The following EYS variants were observed in gnomAD, a reference collection of about 807,000 sequenced individuals.
EYS encodes protein eyes shut homolog.
In EYS, 250 loss-of-function variants were observed where a neutral mutation model predicts 282.1. That is an observed-to-expected ratio of 0.89 (90% CI 0.80 to 0.98). The LOEUF (loss-of-function observed/expected upper bound fraction) is 0.98. EYS is among the 50% of genes least tolerant of loss of function. The pLI, the probability that EYS is intolerant of heterozygous loss-of-function variation, is 0.00. For synonymous variants in EYS, 1,355 were observed against 1,282.9 expected, an observed-to-expected ratio of 1.06 and a Z score of -1.20; for missense variants, 4,016 against 3,709.0, an observed-to-expected ratio of 1.08 and a Z score of -2.15.
rs141103856 is a variant in EYS at position 64,371,626 on chromosome 6, C to T, written c.6078+17064G>A. Among the ~76,000 whole-genome samples, 287 of 152,184 alleles carry T rather than the reference C, an allele frequency of 1.9e-3. 1 individual carries two copies. The highest frequency in any genetic ancestry group is 6.6e-3 in the African/African-American group (274 of 41,512). ...GTCAATGGGGTGTTCAAGTCTTCCA[C>T]TATTATTCTGTGGTCATCTAAGTCT... On this transcript the variant is annotated intron_variant, in intron 29 of 42. Coordinates refer to ENST00000503581, the MANE Select transcript of EYS (RefSeq NM_001142800.2).
rs557024551 is a variant in EYS at position 63,738,643 on chromosome 6, C to T, written c.8072-11963G>A. The stretch of plus-strand genomic sequence containing the variant: ...AGGAGATATACCTAATGCTAAATGA[C>T]GAGTTAATGGGTGCAGCACACCAGC... On this transcript the variant is annotated intron_variant, in intron 41 of 42. Coordinates refer to ENST00000503581, the MANE Select transcript of EYS (RefSeq NM_001142800.2). 3.1e-4 allele frequency among the ~76,000 whole-genome samples: 46 copies of T among 150,284 alleles called. No individual in the cohort carries two copies. The East Asian group carries it at 4.0e-3, about 13-fold the overall frequency.
intron 26 of EYS, among the ~76,000 whole-genome samples, chr6:64,550,448 A>T (rs1765036639): frequency 6.6e-6 from 1 of 152,136 alleles, no homozygotes; most frequent in African/African-American, 2.4e-5. Context: ...ATGAGATGGT[A>T]TCTCATTGTG....
intron 22 of EYS, among the ~76,000 whole-genome samples, chr6:64,662,870 T>A (rs369082474): frequency 1.4e-5 from 2 of 146,106 alleles, no homozygotes; most frequent in South Asian, 2.3e-4. Flanking sequence ...AATTCTGACT[T>A]GAGATCCTTC....
chr6:63,953,799 T>C (rs951096992), intron 35 of EYS, among the ~76,000 whole-genome samples: 6 of 152,200 alleles, frequency 3.9e-5, no homozygotes, highest in Non-Finnish European at 7.3e-5. Context: ...TACAGGGCTG[T>C]GCAATCAGAA....
chr6:65,255,571 A>T (rs1767438218), intron 12 of EYS, among the ~76,000 whole-genome samples: 1 of 152,038 alleles, frequency 6.6e-6, no homozygotes, highest in Non-Finnish European at 1.5e-5. Flanking sequence ...AAGTGAAGAA[A>T]CAATACACAG....
chr6:64,092,666 T>G, intron 31 of EYS, among the ~76,000 whole-genome samples: 1 of 152,134 alleles, frequency 6.6e-6, no homozygotes, highest in Non-Finnish European at 1.5e-5. Context: ...CTTTGTCAGA[T>G]GAGTAGATTG....
intron 2 of EYS, among the ~76,000 whole-genome samples, chr6:65,528,698 G>A (rs1026951848): frequency 6.6e-6 from 1 of 152,000 alleles, no homozygotes; most frequent in African/African-American, 2.4e-5. Flanking sequence ...ACCTAGTCTC[G>A]ACTATTCTGT....
intron 2 of EYS, among the ~76,000 whole-genome samples, chr6:65,555,140 A>C (rs1768749276): frequency 6.6e-6 from 1 of 152,174 alleles, no homozygotes; most frequent in Non-Finnish European, 1.5e-5. Context: ...AGTCACTATC[A>C]ATCAAAAGTA....
chr6:64,462,474 A>G (rs1775779842), intron 26 of EYS, among the ~76,000 whole-genome samples: 1 of 152,162 alleles, frequency 6.6e-6, no homozygotes, highest in Non-Finnish European at 1.5e-5. Context: ...GTCAGCACAT[A>G]GATGGTTTGG....
chr6:65,015,800 G>A (rs374785423), intron 13 of EYS, among the ~76,000 whole-genome samples: 3 of 144,194 alleles, frequency 2.1e-5, no homozygotes, highest in South Asian at 2.2e-4. Flanking sequence ...TTTGGGAGGC[G>A]GAGGTCGATG....
At chr6:65,368,812 A>G (rs1302442415) in intron 8 of EYS, among the ~76,000 whole-genome samples, 2 of 151,624 alleles carry the variant, frequency 1.3e-5, no homozygotes, top group Non-Finnish European at 2.9e-5. Context: ...GTACAAGTAC[A>G]GGATAAACTA....
rs1200343775 is a variant in EYS at position 65,221,773 on chromosome 6, C to T, written c.2023+74090G>A. On this transcript the variant is annotated intron_variant, in intron 12 of 42. Transcript: ENST00000503581. The stretch of plus-strand genomic sequence containing the variant: ...CACCATGCACCTAGAAAAGACAAGA[C>T]ACAAAATGCCAGCCCATGAAAGCAG... Among the ~76,000 whole-genome samples the T allele has an allele frequency of 2.0e-5, 3 of 152,284 alleles. No homozygotes were observed. The East Asian group carries it at 5.8e-4, about 29-fold the overall frequency.
At chr6:65,584,042 A>G (rs1205917862) in intron 2 of EYS, among the ~76,000 whole-genome samples, 1 of 152,086 alleles carries the variant, frequency 6.6e-6, no homozygotes, top group Non-Finnish European at 1.5e-5. Context: ...AAGGGTGAAT[A>G]GGAAATATAT....
intron 1 of EYS, among the ~76,000 whole-genome samples, chr6:65,656,497 A>G (rs1767834870): frequency 6.6e-6 from 1 of 151,910 alleles, no homozygotes; most frequent in Non-Finnish European, 1.5e-5. Flanking sequence ...AAAACCAGCT[A>G]AAACATTTGC....
At chr6:64,202,670 C>T (rs1449228020) in intron 31 of EYS, among the ~76,000 whole-genome samples, 7 of 152,102 alleles carry the variant, frequency 4.6e-5, no homozygotes, top group Non-Finnish European at 2.9e-5. Flanking sequence ...GCAAAAGGAC[C>T]TTGCAGATGT....
chr6:64,856,584 C>T (rs1448232650), intron 19 of EYS, among the ~76,000 whole-genome samples: 1 of 152,104 alleles, frequency 6.6e-6, no homozygotes, highest in East Asian at 1.9e-4. Flanking sequence ...CAGCTGTGAG[C>T]CATGGTGCCT....
At chr6:65,215,429 CT>C (rs1766288645) in intron 12 of EYS, among the ~76,000 whole-genome samples, 1 of 152,138 alleles carries the variant, frequency 6.6e-6, no homozygotes, top group African/African-American at 2.4e-5. Context: ...GATTGAACTG[CT>C]GCAATCTCAT....
chr6:64,749,459 A>C (rs1360197093), intron 22 of EYS, among the ~76,000 whole-genome samples: 3 of 152,220 alleles, frequency 2.0e-5, no homozygotes, highest in African/African-American at 7.2e-5. Context: ...ATAGCTAAGC[A>C]AGAAATGGTT....
At chr6:65,704,450 T>C (rs906257311) in intron 1 of EYS, among the ~76,000 whole-genome samples, 1 of 152,222 alleles carries the variant, frequency 6.6e-6, no homozygotes, top group Non-Finnish European at 1.5e-5. Flanking sequence ...ATTCAGATTC[T>C]AAATTCAACA....
Sources: allele counts gnomAD v4.1 joint callset (sites outside exome capture counted in the v4.1 genomes callset), GRCh38; gene constraint gnomAD v4.1.1; transcripts MANE v1.5; gene names NCBI Gene and HGNC (gene_info 2026-07-23, HGNC 2026-07-21).